The following SYCP2L variants were observed in gnomAD, a reference collection of about 807,000 sequenced individuals.
SYCP2L encodes synaptonemal complex protein 2-like.
In SYCP2L, 98 loss-of-function variants were observed where a neutral mutation model predicts 125.8. That is an observed-to-expected ratio of 0.78 (90% CI 0.66 to 0.92). The LOEUF (loss-of-function observed/expected upper bound fraction) is 0.92. Among genes scored for constraint, SYCP2L ranks in the 40% least tolerant of loss-of-function variants. The probability of loss-of-function intolerance (pLI) is 0.00; values close to 1 mark genes in which losing one functional copy is unlikely to be tolerated. For missense variants in SYCP2L, 842 were observed against 936.4 expected (o/e 0.90, Z 1.32); for synonymous variants, 317 against 325.4 (o/e 0.97, Z 0.28).
intron 14 of SYCP2L, among the ~76,000 whole-genome samples, chr6:10,917,510 C>T (rs1001414764): frequency 1.9e-4 from 29 of 152,166 alleles, no homozygotes; most frequent in African/African-American, 6.3e-4. Context: ...TCTTTTTCCA[C>T]GCCTTTACCT....
At chr6:10,923,683 C>T (rs1362423461) in intron 14 of SYCP2L, among the ~76,000 whole-genome samples, 6 of 122,362 alleles carry the variant, frequency 4.9e-5, no homozygotes, top group African/African-American at 9.5e-5. Context: ...TTTTCTTTTT[C>T]TTTTTTTTTT....
Position 10,926,354 on chromosome 6 carries a change from A to T in SYCP2L, c.1234A>T (p.Thr412Ser). The change falls in exon 16 of 30, where the codon ACG becomes TCG. Residue 412 changes from threonine (T) to serine (S), a missense_variant. Physicochemically the swap from Thr to Ser is moderately conservative, Grantham distance 58 (BLOSUM62 1). Transcript: ENST00000283141. ...GEDKQMLPDQTKISSELFSKS... is the reference protein window; with the variant it reads ...GEDKQMLPDQSKISSELFSKS... ...TGCATTTCAGATGTTGCCTGACCAG[A>T]CGAAAATCTCCTCAGAACTTTTTAG... 5 of 1,613,894 alleles carry T rather than the reference A, an allele frequency of 3.1e-6. No individual in the cohort carries two copies. Among genetic ancestry groups the T allele is most frequent in the South Asian group, 1.1e-5 (1 of 91,072 alleles).
chr6:10,902,403 A>T (rs1473801473), intron 6 of SYCP2L, among the ~76,000 whole-genome samples: 1 of 152,248 alleles, frequency 6.6e-6, no homozygotes, highest in Non-Finnish European at 1.5e-5. Flanking sequence ...TAAAAGTATC[A>T]GAGAATTAAT....
intron 29 of SYCP2L, among the ~76,000 whole-genome samples, chr6:10,965,136 AG>A (rs1781657720): frequency 6.6e-6 from 1 of 152,166 alleles, no homozygotes; most frequent in Non-Finnish European, 1.5e-5. Context: ...AAATTACTCT[AG>A]ATGCTATGTT....
chr6:10,903,001 G>A, intron 8 of SYCP2L, 38 bp downstream of exon 8: 3 of 1,544,502 alleles, frequency 1.9e-6, no homozygotes, highest in Non-Finnish European at 2.7e-6. Context: ...TGTAGTAAGG[G>A]TAAAATCTCT....
intron 20 of SYCP2L, among the ~76,000 whole-genome samples, chr6:10,933,962 A>G (rs1173021571): frequency 6.6e-6 from 1 of 152,200 alleles, no homozygotes; most frequent in Non-Finnish European, 1.5e-5. Flanking sequence ...TAATTGAATC[A>G]TTGATCATTT....
At chr6:10,968,163 G>C (rs1233804936) in intron 29 of SYCP2L, among the ~76,000 whole-genome samples, 2 of 152,204 alleles carry the variant, frequency 1.3e-5, no homozygotes, top group African/African-American at 4.8e-5. Context: ...AGGCCAGGAA[G>C]ATGTGGTCAG....
chr6:10,930,460 T>A lies in SYCP2L; in HGVS notation c.1579T>A (p.Ser527Thr). ...TTGGACCAGTAACCAGAAAAAGAAATCCCTAAAATCATATTCCAGTAGAAA... is the reference window on the plus strand; with the variant it reads ...TTGGACCAGTAACCAGAAAAAGAAAACCCTAAAATCATATTCCAGTAGAAA... ...LSWTSNQKKK[S>T]LKSYSSRKKT... The change falls in exon 19 of 30, where the codon TCC (serine) becomes ACC (threonine). Residue 527 changes from serine (S) to threonine (T), a missense_variant. By Grantham distance (58) the Ser-to-Thr change is moderately conservative. Transcript: ENST00000283141. 1 of 1,613,552 alleles carries A rather than the reference T, an allele frequency of 6.2e-7. No individual in the cohort carries two copies. Among genetic ancestry groups the A allele is most frequent in the Non-Finnish European group, 8.5e-7 (1 of 1,179,776 alleles).
chr6:10,927,209 A>G, intron 16 of SYCP2L, 31 bp from the exon 17 acceptor site: 1 of 1,612,896 alleles, frequency 6.2e-7, no homozygotes, highest in Non-Finnish European at 8.5e-7. Context: ...GTGCACGGTT[A>G]TTATATTAGT....
intron 6 of SYCP2L, among the ~76,000 whole-genome samples, chr6:10,901,052 C>G (rs190523390): frequency 6.6e-6 from 1 of 152,194 alleles, no homozygotes; most frequent in African/African-American, 2.4e-5. Context: ...CTGAAACTTA[C>G]GTCTTCTTAC....
chr6:10,945,878 T>C (rs1365938467), intron 23 of SYCP2L, among the ~76,000 whole-genome samples: 2 of 152,156 alleles, frequency 1.3e-5, no homozygotes, highest in Non-Finnish European at 2.9e-5. Context: ...CATTATGAAG[T>C]GATGACCCCT....
intron 21 of SYCP2L, among the ~76,000 whole-genome samples, chr6:10,937,580 C>G (rs1235726211): frequency 6.6e-6 from 1 of 151,812 alleles, no homozygotes; most frequent in Non-Finnish European, 1.5e-5. Flanking sequence ...AATATTAAGG[C>G]ATAAATAAAT....
intron 1 of SYCP2L, among the ~76,000 whole-genome samples, chr6:10,888,320 C>G (rs974560643): frequency 2.0e-5 from 3 of 151,906 alleles, no homozygotes; most frequent in Non-Finnish European, 4.4e-5. Flanking sequence ...TGGTCTCTGT[C>G]TCTTGACCTC....
At chr6:10,901,572 G>C (rs991908714) in intron 6 of SYCP2L, among the ~76,000 whole-genome samples, 5 of 152,030 alleles carry the variant, frequency 3.3e-5, no homozygotes, top group Non-Finnish European at 7.4e-5. Context: ...CTTTGTCGTG[G>C]GTGCTGTCCT....
rs61237589 is a variant in SYCP2L at position 10,891,418 on chromosome 6, A to ATTT, written c.10-77_10-75dup. The ATTT allele has an allele frequency of 1.8e-4, 84 of 474,162 alleles. 2 individuals carry two copies. In the Middle Eastern group the frequency reaches 2.2e-3, roughly 12 times the overall value. The allele number at this position is 474,162 out of a possible 1,614,324, so 29.4% of individuals were successfully genotyped here. On this transcript the variant is annotated intron_variant, in intron 1 of 29. Transcript: ENST00000283141. Reference sequence around the variant, plus strand: ...TTCAGGAAAACAATACAAACCTTTAATTTTTTTTTTTTTTTTTTTTGCTTT... The same window carrying ATTT: ...TTCAGGAAAACAATACAAACCTTTAATTTTTTTTTTTTTTTTTTTTTTTGCTTT...
At position 10,927,275 on chromosome 6, in the gene SYCP2L, A is replaced by G; in HGVS notation, c.1348A>G (p.Met450Val). 3 of 1,614,190 alleles carry G rather than the reference A, an allele frequency of 1.9e-6. No homozygotes were observed. Among genetic ancestry groups the G allele is most frequent in the Non-Finnish European group, 8.5e-7 (1 of 1,180,016 alleles). The change falls in exon 17 of 30, where the codon ATG becomes GTG. Residue 450 changes from methionine to valine, a missense_variant. By Grantham distance (21) the Met-to-Val change is conservative. Coordinates refer to ENST00000283141, the MANE Select transcript of SYCP2L (RefSeq NM_001040274.3). ...AGAATCCACTAACATGGTGGAGTTTATGAGTGCTGAAGATGACCGCTGCCT... is the reference window on the plus strand; with the variant it reads ...AGAATCCACTAACATGGTGGAGTTTGTGAGTGCTGAAGATGACCGCTGCCT... Reference protein sequence around the residue: ...AEESTNMVEFMSAEDDRCLIT... With the variant: ...AEESTNMVEFVSAEDDRCLIT...
intron 28 of SYCP2L, 127 bp downstream of exon 28, chr6:10,961,685 C>G (rs997082600): frequency 2.2e-6 from 2 of 910,510 alleles, no homozygotes. Flanking sequence ...TCTTTTGAAC[C>G]GGCCACTTCT....
intron 8 of SYCP2L, among the ~76,000 whole-genome samples, chr6:10,905,643 C>T (rs752722185): frequency 2.0e-5 from 3 of 152,186 alleles, no homozygotes; most frequent in Non-Finnish European, 4.4e-5. Context: ...GAATCACTGT[C>T]GTATCATTTC....
chr6:10,887,247 G>A, intron 1 of SYCP2L, 112 bp downstream of exon 1: 6 of 1,445,968 alleles, frequency 4.1e-6, no homozygotes, highest in Non-Finnish European at 5.8e-6. Context: ...CTCAGAGACC[G>A]GGTGCTGGGC....
Sources: gnomAD v4.1 joint callset for allele counts (sites outside exome capture counted in the v4.1 genomes callset) on GRCh38, gnomAD v4.1.1 for gene constraint, MANE v1.5 for transcripts, NCBI Gene and HGNC (gene_info 2026-07-23, HGNC 2026-07-21) for gene names.